STEAP3: variants seen among roughly 807,000 people sequenced by gnomAD.
The protein encoded by STEAP3 is metalloreductase STEAP3.
In STEAP3, 35 loss-of-function variants were observed where a neutral mutation model predicts 34.9. The ratio of observed to expected loss-of-function variants is 1.00; its 90% CI spans 0.76 to 1.33. The LOEUF (loss-of-function observed/expected upper bound fraction) is 1.33. Among genes scored for constraint, STEAP3 ranks in the 40% most tolerant of loss-of-function variants. The pLI, the probability that STEAP3 is intolerant of heterozygous loss-of-function variation, is 0.00. For synonymous variants in STEAP3, 281 were observed against 301.6 expected (o/e 0.93, Z 0.71); for missense variants, 652 against 667.6 (o/e 0.98, Z 0.26).
At chr2:119,228,841 G>A (rs905406735) in intron 1 of STEAP3, among the ~76,000 whole-genome samples, 1 of 152,114 alleles carries the variant, frequency 6.6e-6, no homozygotes. Flanking sequence ...TCAGGGTAGA[G>A]CCAAGGTCTC....
chr2:119,255,023 G>A (rs1677737392), intron 5 of STEAP3, among the ~76,000 whole-genome samples, 175 bp downstream of exon 5: 1 of 152,154 alleles, frequency 6.6e-6, no homozygotes. Context: ...CTTGATAGGG[G>A]CTGCCTGCTA....
In STEAP3 at chr2:119,245,545, A is replaced by G. The variant is rs777658187; in HGVS notation, c.79A>G (p.Ser27Gly). The change falls in exon 3 of 6, where the codon AGC becomes GGC. Residue 27 changes from serine (S) to glycine (G), a missense_variant. By Grantham distance (56) the Ser-to-Gly change is moderately conservative (BLOSUM62 0). Coordinates refer to ENST00000393110, the MANE Select transcript of STEAP3 (RefSeq NM_182915.3). ...KPLISLHLVD[S>G]DSSLAKVPDE... ...ACTGATCAGCCTCCACCTGGTGGAC[A>G]GCGATAGTAGCCTTGCCAAGGTCCC... The G allele has an allele frequency of 6.2e-6, 10 of 1,600,668 alleles. 1 individual carries two copies. The South Asian group carries it at 1.1e-4, about 18-fold the overall frequency.
intron 2 of STEAP3, among the ~76,000 whole-genome samples, chr2:119,235,947 G>T (rs1225189721): frequency 2.0e-5 from 3 of 152,170 alleles, no homozygotes; most frequent in Admixed American, 1.3e-4. Context: ...CTGAGCAGCA[G>T]GTCCTCCTAC....
intron 2 of STEAP3, among the ~76,000 whole-genome samples, chr2:119,243,820 G>A (rs1677323676): frequency 6.6e-6 from 1 of 152,196 alleles, no homozygotes; most frequent in East Asian, 1.9e-4. Context: ...CAGCCTCCTG[G>A]TTCCCCTGCC....
At chr2:119,227,404 T>C (rs1679074398) in intron 1 of STEAP3, among the ~76,000 whole-genome samples, 1 of 152,202 alleles carries the variant, frequency 6.6e-6, no homozygotes, top group Non-Finnish European at 1.5e-5. Context: ...CGTTCATTGC[T>C]TCAGCACCGT....
At chr2:119,234,267 C>T (rs918605285) in intron 2 of STEAP3, among the ~76,000 whole-genome samples, 1 of 152,208 alleles carries the variant, frequency 6.6e-6, no homozygotes, top group Non-Finnish European at 1.5e-5. Flanking sequence ...GGGGTGGGGG[C>T]AGCCACAGCC....
At chr2:119,253,878 G>A (rs1677696983) in intron 4 of STEAP3, among the ~76,000 whole-genome samples, 1 of 152,146 alleles carries the variant, frequency 6.6e-6, no homozygotes, top group Non-Finnish European at 1.5e-5. Flanking sequence ...TTTATTTTCT[G>A]TAGCCCAGGG....
At chr2:119,256,543 G>A (rs1363031520) in intron 5 of STEAP3, among the ~76,000 whole-genome samples, 3 of 152,174 alleles carry the variant, frequency 2.0e-5, no homozygotes, top group East Asian at 3.8e-4. Flanking sequence ...AGAGAAAGCC[G>A]GTGGATTTGA....
intron 2 of STEAP3, among the ~76,000 whole-genome samples, chr2:119,238,908 G>A (rs1243553927): frequency 6.6e-6 from 1 of 152,200 alleles, no homozygotes; most frequent in African/African-American, 2.4e-5. Context: ...CAGGCATGGT[G>A]TGGGGTTCTG....
At chr2:119,227,067 C>A (rs1307466416) in intron 1 of STEAP3, among the ~76,000 whole-genome samples, 1 of 152,182 alleles carries the variant, frequency 6.6e-6, no homozygotes, top group Non-Finnish European at 1.5e-5. Context: ...CAGCTGAGTC[C>A]CACTTCTGGC....
intron 1 of STEAP3, among the ~76,000 whole-genome samples, chr2:119,229,813 G>T (rs1017931937): frequency 1.3e-5 from 2 of 152,092 alleles, no homozygotes; most frequent in Non-Finnish European, 2.9e-5. Flanking sequence ...GTGGTGGGGG[G>T]TGGAGTGGGC....
intron 1 of STEAP3, among the ~76,000 whole-genome samples, chr2:119,230,093 A>G (rs1679168160): frequency 6.6e-6 from 1 of 152,184 alleles, no homozygotes; most frequent in African/African-American, 2.4e-5. Flanking sequence ...GATGCCCGGG[A>G]TACTTAGATG....
chr2:119,246,081 T>C, intron 3 of STEAP3, 93 bp downstream of exon 3: 2 of 1,463,732 alleles, frequency 1.4e-6, no homozygotes, highest in African/African-American at 1.4e-5. Flanking sequence ...TGATATGTTA[T>C]CATAACTAAT....
At chr2:119,237,567 C>G (rs932145531) in intron 2 of STEAP3, among the ~76,000 whole-genome samples, 2 of 152,146 alleles carry the variant, frequency 1.3e-5, no homozygotes, top group African/African-American at 2.4e-5. Context: ...TTTTGGGGGA[C>G]AAACCTCCAA....
At chr2:119,250,281 C>A (rs984936805) in intron 4 of STEAP3, among the ~76,000 whole-genome samples, 14 of 152,238 alleles carry the variant, frequency 9.2e-5, no homozygotes, top group African/African-American at 3.1e-4. Flanking sequence ...TCTGGCTCCT[C>A]GCCTCAGCTG....
At chr2:119,247,537 G>A (rs1407142480) in intron 3 of STEAP3, 142 bp from the exon 4 acceptor site, 4 of 988,144 alleles carry the variant, frequency 4.0e-6, no homozygotes, top group Non-Finnish European at 5.7e-6. Context: ...AACCCCATTG[G>A]CTCCCACCTG....
In STEAP3 at chr2:119,245,480, C is replaced by A; in HGVS notation, c.23-9C>A. Reference sequence around the variant, plus strand: ...CCTCCACTGACCAGGTTCCTGACTTCTCTTGCAGCCACCAAAATGCCAGAA... The same window carrying A: ...CCTCCACTGACCAGGTTCCTGACTTATCTTGCAGCCACCAAAATGCCAGAA... On this transcript the variant is annotated splice_polypyrimidine_tract_variant and intron_variant, in intron 2 of 5. Transcript: ENST00000393110. The A allele has an allele frequency of 6.4e-7, 1 of 1,570,630 alleles. No individual in the cohort carries two copies. Among genetic ancestry groups the A allele is most frequent in the Non-Finnish European group, 8.7e-7 (1 of 1,153,030 alleles).
rs1317693671 is a variant in STEAP3, at chr2:119,230,378, C to T, written c.-393-242C>T. Among the ~76,000 whole-genome samples, 7 of 151,862 alleles carry T rather than the reference C, an allele frequency of 4.6e-5. No individual in the cohort carries two copies. The South Asian group carries it at 6.4e-4, about 14-fold the overall frequency. ...GGGTCTGTCTGTCTGTCTGTCTGTC[C>T]GTCTTTCTCCCCACTGTGAGCACTG... is the stretch of plus-strand genomic sequence containing the variant. On this transcript the variant is annotated intron_variant, in intron 1 of 5. Transcript: ENST00000393110.
intron 5 of STEAP3, among the ~76,000 whole-genome samples, chr2:119,256,327 G>A (rs1311080180): frequency 1.3e-5 from 2 of 152,154 alleles, no homozygotes; most frequent in East Asian, 3.9e-4. Context: ...GCTGACACAT[G>A]TTAGCATACG....
Sources: allele counts gnomAD v4.1 joint callset (sites outside exome capture counted in the v4.1 genomes callset), GRCh38; gene constraint gnomAD v4.1.1; transcripts MANE v1.5; gene names NCBI Gene and HGNC (gene_info 2026-07-23, HGNC 2026-07-21).